SBF2: variants seen among roughly 807,000 people sequenced by gnomAD.
SBF2 encodes the protein myotubularin-related protein 13.
In SBF2, 112 loss-of-function variants were observed where a neutral mutation model predicts 225.2. That is an observed-to-expected ratio of 0.50 (90% CI 0.43 to 0.58). The LOEUF is 0.58. Ranked by LOEUF, SBF2 falls within the 20% of genes least tolerant of loss-of-function variation. The pLI, the probability that SBF2 is intolerant of heterozygous loss-of-function variation, is 0.00. For synonymous variants in SBF2, 763 were observed against 773.3 expected, an observed-to-expected ratio of 0.99 and a Z score of 0.22; for missense variants, 1,996 against 2,206.2, an observed-to-expected ratio of 0.90 and a Z score of 1.91.
At position 9,850,235 on chromosome 11, in the gene SBF2, A is replaced by G. The variant is rs768818551; in HGVS notation, c.2611-17T>C. 6.3e-7 allele frequency: 1 copy of G among 1,585,444 alleles called. No homozygotes were observed. The highest frequency in any genetic ancestry group is 2.2e-5 in the East Asian group (1 of 44,752). ...AATCTTGGGCTTACAACAGAAAAAG[A>G]TTGATTGATTGATTGATTGACTAAT... On this transcript the variant is annotated splice_polypyrimidine_tract_variant and intron_variant, in intron 21 of 39. Coordinates refer to ENST00000256190, the MANE Select transcript of SBF2 (RefSeq NM_030962.4).
Position 9,811,654 on chromosome 11 carries a change from C to T in SBF2, c.4155+878G>A, listed in dbSNP as rs141294708. On this transcript the variant is annotated intron_variant, in intron 30 of 39. Transcript: ENST00000256190. ...CATTTATAGCCAAATATTTATGTGG[C>T]GGCATTTCTCTTTGGTTTAAGTATC... Among the ~76,000 whole-genome samples the T allele has an allele frequency of 2.8e-4, 42 of 151,920 alleles. No homozygotes were observed. The South Asian group carries it at 4.2e-3, about 15-fold the overall frequency.
intron 1 of SBF2, among the ~76,000 whole-genome samples, chr11:10,266,103 C>T (rs923079733): frequency 3.3e-5 from 5 of 152,180 alleles, no homozygotes; most frequent in African/African-American, 1.2e-4. Flanking sequence ...ATAACAATCA[C>T]ATGAGGCAGC....
At chr11:10,295,587 C>CAAAAAAA (rs397938160), upstream of SBF2, among the ~76,000 whole-genome samples, 1 of 142,770 alleles carries the variant, frequency 7.0e-6, no homozygotes. Context: ...ATAATTAAAC[C>CAAAAAAA]AAAAAAAAAA....
chr11:10,173,508 C>T (rs564870506), intron 2 of SBF2, among the ~76,000 whole-genome samples: 89 of 152,348 alleles, frequency 5.8e-4, no homozygotes, highest in Admixed American at 9.8e-4. Context: ...TGGGAGGGTC[C>T]TACGCCCACG....
rs555470690 is a variant in SBF2, at chr11:9,974,773, C to T, written c.1396-6228G>A. ...CACGGGAGTTCGAGACCAGCCTGAT[C>T]AACATGGAGAAACCCCGCCTCTACT... is the stretch of plus-strand genomic sequence containing the variant. On this transcript the variant is annotated intron_variant, in intron 13 of 39. Coordinates refer to ENST00000256190, the MANE Select transcript of SBF2 (RefSeq NM_030962.4). 1.0e-4 allele frequency among the ~76,000 whole-genome samples: 15 copies of T among 150,542 alleles called. No individual in the cohort carries two copies. In the South Asian group the frequency reaches 2.9e-3, roughly 30 times the overall value.
intron 3 of SBF2, among the ~76,000 whole-genome samples, chr11:10,041,533 A>G (rs1485465848): frequency 1.3e-5 from 2 of 152,194 alleles, no homozygotes; most frequent in Non-Finnish European, 2.9e-5. Context: ...TGTGCTGATA[A>G]TGCATGTTTT....
intron 32 of SBF2, among the ~76,000 whole-genome samples, chr11:9,800,834 C>T (rs1853451199): frequency 1.3e-5 from 2 of 152,186 alleles, no homozygotes; most frequent in South Asian, 2.1e-4. Flanking sequence ...GCTTCAGCCA[C>T]CATACCCAGG....
intron 2 of SBF2, among the ~76,000 whole-genome samples, chr11:10,163,493 G>C (rs544463958): frequency 1.6e-3 from 239 of 152,186 alleles, no homozygotes; most frequent in Non-Finnish European, 2.7e-3. Context: ...ATGACAATAA[G>C]AGTAGCAACA....
At chr11:9,837,436 C>T (rs1590189107) in intron 26 of SBF2, among the ~76,000 whole-genome samples, 1 of 152,314 alleles carries the variant, frequency 6.6e-6, no homozygotes, top group East Asian at 1.9e-4. Context: ...AAATGCTTAT[C>T]TTTATATAAT....
At chr11:10,077,374 G>C (rs1019451349) in intron 2 of SBF2, among the ~76,000 whole-genome samples, 3 of 152,152 alleles carry the variant, frequency 2.0e-5, no homozygotes, top group African/African-American at 7.2e-5. Context: ...AACAAAGCTG[G>C]AGGCATCATG....
chr11:9,911,456 C>A (rs1411025065), intron 16 of SBF2, among the ~76,000 whole-genome samples: 1 of 151,416 alleles, frequency 6.6e-6, no homozygotes, highest in African/African-American at 2.4e-5. Flanking sequence ...CTATACAATA[C>A]CGTGGCTTTT....
chr11:9,956,810 T>A (rs1009142984), intron 16 of SBF2: 3 of 151,978 alleles, frequency 2.0e-5, no homozygotes, highest in Non-Finnish European at 4.4e-5. Context: ...AAGAAAAAAA[T>A]AACTGCTCAG....
chr11:9,801,225 T>TA (rs1853473785), intron 32 of SBF2, among the ~76,000 whole-genome samples: 1 of 152,240 alleles, frequency 6.6e-6, no homozygotes, highest in South Asian at 2.1e-4. Flanking sequence ...TGTTGCAGGT[T>TA]AAAAAGTATA....
chr11:9,834,835 C>T (rs1402193644), intron 26 of SBF2, among the ~76,000 whole-genome samples: 1 of 152,164 alleles, frequency 6.6e-6, no homozygotes, highest in African/African-American at 2.4e-5. Flanking sequence ...CTTCAATAAT[C>T]GGTAAAGAAC....
intron 2 of SBF2, among the ~76,000 whole-genome samples, chr11:10,180,957 A>G (rs1412538029): frequency 6.6e-6 from 1 of 152,106 alleles, no homozygotes; most frequent in Non-Finnish European, 1.5e-5. Flanking sequence ...AATTTCACAG[A>G]TATTAGAGGT....
intron 28 of SBF2, chr11:9,828,174 CT>C (rs1439326152): frequency 7.8e-7 from 1 of 1,289,724 alleles, no homozygotes; most frequent in Non-Finnish European, 1.0e-6. Context: ...TGTCCTGGCA[CT>C]ACCTGCTTAA....
At chr11:9,815,325 G>A (rs968608027) in intron 29 of SBF2, among the ~76,000 whole-genome samples, 7 of 147,060 alleles carry the variant, frequency 4.8e-5, no homozygotes, top group African/African-American at 7.5e-5. Flanking sequence ...GCGTGGTGAC[G>A]CGTGCCTGTA....
chr11:10,262,870 CT>C (rs1961579554), intron 1 of SBF2, among the ~76,000 whole-genome samples: 1 of 151,950 alleles, frequency 6.6e-6, no homozygotes, highest in African/African-American at 2.4e-5. Flanking sequence ...CTGCAAAGAG[CT>C]ATGACACCAG....
intron 2 of SBF2, among the ~76,000 whole-genome samples, chr11:10,109,017 C>T (rs1379685759): frequency 6.6e-6 from 1 of 152,096 alleles, no homozygotes; most frequent in African/African-American, 2.4e-5. Flanking sequence ...AGAGTAGGAA[C>T]CTCCAAAGGC....
Sources: allele counts gnomAD v4.1 joint callset (sites outside exome capture counted in the v4.1 genomes callset), GRCh38; gene constraint gnomAD v4.1.1; transcripts MANE v1.5; gene names NCBI Gene and HGNC (gene_info 2026-07-23, HGNC 2026-07-21).